The following HDGFL3 variants were observed in gnomAD, a reference collection of about 807,000 sequenced individuals.
HDGFL3 encodes hepatoma-derived growth factor-related protein 3.
A neutral mutation model predicts 27.6 loss-of-function variants in HDGFL3; 6 were observed. The ratio of observed to expected loss-of-function variants is 0.22; its 90% CI spans 0.12 to 0.43. The LOEUF is 0.43. Among genes scored for constraint, HDGFL3 ranks in the 20% least tolerant of loss-of-function variants. The probability of loss-of-function intolerance (pLI) is 1.00; values close to 1 mark genes in which losing one functional copy is unlikely to be tolerated. For synonymous variants in HDGFL3, 88 were observed against 88.9 expected (o/e 0.99, Z 0.05); for missense variants, 207 against 250.1 (o/e 0.83, Z 1.16).
At chr15:83,113,081 A>G in exon 4 of HDGFL3, 1 of 602,270 alleles carries the variant, frequency 1.7e-6, no homozygotes. Flanking sequence ...CAGGCAGTGG[A>G]CTCCACCCTC....
At chr15:83,127,233 A>AT, downstream of HDGFL3, 3 of 887,954 alleles carry the variant, frequency 3.4e-6, no homozygotes, top group Non-Finnish European at 4.7e-6. Flanking sequence ...AAAAAAAAAA[A>AT]GAGTCCCATA....
Position 83,196,796 on chromosome 15 carries a change from T to C in HDGFL3, c.84+10535A>G, listed in dbSNP as rs957761771. Among the ~76,000 whole-genome samples, 5 of 152,204 alleles carry C rather than the reference T, an allele frequency of 3.3e-5. No individual in the cohort carries two copies. The East Asian group carries it at 9.6e-4, about 29-fold the overall frequency. ...AGGATTAGAGAAGGTTAGAGAGAGA[T>C]GATTTTCATTTATAAGCAAAAGATA... On this transcript the variant is annotated intron_variant, in intron 1 of 5. Coordinates refer to ENST00000299633, the MANE Select transcript of HDGFL3 (RefSeq NM_016073.4).
intron 1 of HDGFL3, among the ~76,000 whole-genome samples, chr15:83,170,876 C>CAAAAAAAAAA (rs34510031): frequency 1.3e-5 from 1 of 77,726 alleles, no homozygotes. Context: ...ATTCAACAAG[C>CAAAAAAAAAA]AAAAAAAAAA....
At chr15:83,192,547 T>C (rs901443461) in intron 1 of HDGFL3, among the ~76,000 whole-genome samples, 6 of 152,202 alleles carry the variant, frequency 3.9e-5, no homozygotes, top group Non-Finnish European at 5.9e-5. Flanking sequence ...AATTGTAATA[T>C]TTCCATAAGT....
downstream of HDGFL3, chr15:83,126,724 A>T (rs1230409791): frequency 4.5e-6 from 7 of 1,563,348 alleles, no homozygotes; most frequent in Non-Finnish European, 6.1e-6. Flanking sequence ...ATGTGATTGT[A>T]TTTTTATAAT....
rs72160704 is a variant in HDGFL3 at position 83,118,230 on chromosome 15, TACACAC to T, written c.394-2495_394-2490del. ...CAGAGTGAGACCCTGTCTCTGTACG[TACACAC>T]ACACACACACACACACACACACACA... On this transcript the variant is annotated intron_variant, in intron 3 of 3. Transcript: ENST00000568294. 1.6e-3 allele frequency among the ~76,000 whole-genome samples: 237 copies of T among 146,346 alleles called. 3 individuals carry two copies. The highest frequency in any genetic ancestry group is 2.9e-3 in the African/African-American group (116 of 40,242).
Position 83,135,103 on chromosome 15 carries a change from C to T in HDGFL3, c.*4167G>A, listed in dbSNP as rs1837090101. 1 of 152,174 alleles carries T rather than the reference C, an allele frequency of 6.6e-6. No individual in the cohort carries two copies. The highest frequency in any genetic ancestry group is 2.4e-5 in the African/African-American group (1 of 41,442). 9.4% of individuals were successfully genotyped at this position (152,174 alleles called of 1,614,324 possible). A position where few individuals can be genotyped will look rare whatever the true frequency, so the allele number is the denominator to read the frequency against. ...TGCTGGTCCTTGGCAATACATCATG[C>T]TAATTTAATTTATATCTCCAGAGTA... On this transcript the variant is annotated 3_prime_UTR_variant, in exon 6 of 6. Coordinates refer to ENST00000299633, the MANE Select transcript of HDGFL3 (RefSeq NM_016073.4).
Position 83,207,264 on chromosome 15 carries a change from G to T in HDGFL3, c.84+67C>A. On this transcript the variant is annotated intron_variant, in intron 1 of 5. Transcript: ENST00000299633. This position sits in a 1 kb window ranked among gnomAD's most constrained non-coding sequence, Gnocchi z 4.8. ...CGGGGCTGAGGCGATGGGGAAAGGG[G>T]GCGGGCGCGCCATCATGAAGGGGAA... 1.8e-6 allele frequency: 2 copies of T among 1,119,536 alleles called. No individual in the cohort carries two copies. Among genetic ancestry groups the T allele is most frequent in the South Asian group, 5.1e-5 (2 of 39,134 alleles). 69.4% of individuals were successfully genotyped at this position (1,119,536 alleles called of 1,614,324 possible). A position where few individuals can be genotyped will look rare whatever the true frequency, so the allele number is the denominator to read the frequency against.
intron 1 of HDGFL3, among the ~76,000 whole-genome samples, chr15:83,205,496 T>C (rs990548600): frequency 6.6e-6 from 1 of 152,228 alleles, no homozygotes; most frequent in African/African-American, 2.4e-5. Flanking sequence ...CAATTAGATA[T>C]ACAACTAGGA....
intron 1 of HDGFL3, among the ~76,000 whole-genome samples, chr15:83,205,194 C>T (rs1297559964): frequency 6.6e-6 from 1 of 152,050 alleles, no homozygotes; most frequent in Non-Finnish European, 1.5e-5. Flanking sequence ...GGAATAATGC[C>T]TCATAGAATT....
intron 2 of HDGFL3, among the ~76,000 whole-genome samples, chr15:83,159,650 G>A (rs1299063450): frequency 2.0e-5 from 3 of 152,196 alleles, no homozygotes; most frequent in African/African-American, 7.2e-5. Flanking sequence ...GAATAGCTAA[G>A]TAAAGAACAA....
intron 3 of HDGFL3, chr15:83,115,851 C>A (rs2034613617): frequency 6.2e-7 from 1 of 1,613,058 alleles, no homozygotes. Context: ...CTAGTGTATG[C>A]AGTTTTTGGA....
chr15:83,164,939 A>G (rs1259845985), intron 1 of HDGFL3, among the ~76,000 whole-genome samples: 1 of 152,218 alleles, frequency 6.6e-6, no homozygotes, highest in African/African-American at 2.4e-5. Flanking sequence ...ATTTTATTTC[A>G]TGTAGCCTTC....
At chr15:83,126,149 G>T (rs2035731116), downstream of HDGFL3, among the ~76,000 whole-genome samples, 1 of 152,120 alleles carries the variant, frequency 6.6e-6, no homozygotes, top group Non-Finnish European at 1.5e-5. Context: ...TCTGTCATTG[G>T]CCTGTGTTCA....
rs147916955 is a variant in HDGFL3, at chr15:83,113,264, T to G, written c.*2445A>C. 759 of 322,320 alleles carry G rather than the reference T, an allele frequency of 2.4e-3. 2 individuals carry two copies. Among genetic ancestry groups the G allele is most frequent in the Middle Eastern group, 0.016 (15 of 962 alleles). 20.0% of individuals were successfully genotyped at this position (322,320 alleles called of 1,614,324 possible). ...CCCCCCACTTAGTGCAGAACTTAAC[T>G]GTGTGGTGTCTGGGTCTGCACATAT... On this transcript the variant is annotated 3_prime_UTR_variant, in exon 4 of 4. Coordinates refer to the HDGFL3 transcript ENST00000568294.
chr15:83,127,272 A>G, downstream of HDGFL3: 1 of 1,317,368 alleles, frequency 7.6e-7, no homozygotes, highest in South Asian at 1.7e-5. Context: ...ATTTTCAAAG[A>G]TGAAAATGTT....
At chr15:83,169,242 A>G (rs1236281179) in intron 1 of HDGFL3, 2 of 448,008 alleles carry the variant, frequency 4.5e-6, no homozygotes, top group African/African-American at 2.0e-5. Context: ...CCTATTCAAC[A>G]TAGTACTGGA....
chr15:83,207,621 C>A lies in HDGFL3; in HGVS notation c.-207G>T, dbSNP rs1199630510. ...GCAGGCCCGGCAAATCACGGCCCGG[C>A]AGCGGGGGAGGGGAGCCCCCGGCCG... On this transcript the variant is annotated 5_prime_UTR_variant, in exon 1 of 6. Transcript: ENST00000299633. The surrounding 1 kb of genome is among the most constrained non-coding windows in gnomAD (Gnocchi z 4.8). The A allele has an allele frequency of 7.6e-6, 2 of 263,098 alleles. No individual in the cohort carries two copies. Among genetic ancestry groups the A allele is most frequent in the Non-Finnish European group, 1.4e-5 (2 of 142,196 alleles). The allele number at this position is 263,098 out of a possible 1,614,324, so 16.3% of individuals were successfully genotyped here.
intron 3 of HDGFL3, among the ~76,000 whole-genome samples, chr15:83,118,925 C>T (rs2034956450): frequency 6.6e-6 from 1 of 152,138 alleles, no homozygotes; most frequent in African/African-American, 2.4e-5. Context: ...AAGTATGGCT[C>T]TTCTTGGTCT....
Sources: gnomAD v4.1 joint callset for allele counts (sites outside exome capture counted in the v4.1 genomes callset) on GRCh38, gnomAD v4.1.1 for gene constraint, Gnocchi (gnomAD v3.1) non-coding constraint, MANE v1.5 for transcripts, NCBI Gene and HGNC (gene_info 2026-07-23, HGNC 2026-07-21) for gene names.